The following DPH6 variants were observed in gnomAD, a reference collection of about 807,000 sequenced individuals.
The protein encoded by DPH6 is diphthamine biosynthesis 6, also known as diphthine--ammonia ligase.
DPH6 carries 33 observed loss-of-function variants against 38.2 expected under a neutral mutation model. That is an observed-to-expected ratio of 0.86 (90% CI 0.65 to 1.15). The LOEUF (loss-of-function observed/expected upper bound fraction) is 1.15. DPH6 is among the 50% of genes most tolerant of loss of function. The probability of loss-of-function intolerance (pLI) is 0.00; values close to 1 mark genes in which losing one functional copy is unlikely to be tolerated. For missense variants in DPH6, 325 were observed against 320.0 expected (o/e 1.02, Z -0.12); for synonymous variants, 108 against 103.0 (o/e 1.05, Z -0.30).
intron 3 of DPH6, among the ~76,000 whole-genome samples, chr15:35,501,195 A>C (rs1222830343): frequency 6.6e-6 from 1 of 152,190 alleles, no homozygotes; most frequent in African/African-American, 2.4e-5. Flanking sequence ...TCATAATGAC[A>C]ATCAGTAATA....
At chr15:35,356,104 T>C (rs569540395) in intron 3 of DPH6, among the ~76,000 whole-genome samples, 3 of 152,358 alleles carry the variant, frequency 2.0e-5, no homozygotes, top group South Asian at 2.1e-4. Flanking sequence ...ATTCGTCACA[T>C]AGTTCTCGTG....
In DPH6 at chr15:35,312,712, G is replaced by T. The variant is rs1298564979; in HGVS notation, n.200+60809C>A. On this transcript the variant is annotated intron_variant and non_coding_transcript_variant, in intron 3 of 3. Transcript: ENST00000560386. ...TGAAATTATTTGCTAAAATTAAAAA[G>T]AACTCTATTTCCTTCTTTTGCATAT... Among the ~76,000 whole-genome samples the T allele has an allele frequency of 3.3e-5, 5 of 152,250 alleles. No homozygotes were observed. In the East Asian group the frequency reaches 5.8e-4, roughly 18 times the overall value.
intron 3 of DPH6, among the ~76,000 whole-genome samples, chr15:35,513,061 T>C (rs1012303784): frequency 1.2e-4 from 18 of 152,076 alleles, no homozygotes; most frequent in African/African-American, 4.3e-4. Flanking sequence ...TTTCACGGCA[T>C]AGAAAAATGT....
intron 3 of DPH6, chr15:35,489,346 T>A: frequency 1.0e-6 from 1 of 985,322 alleles, no homozygotes. Flanking sequence ...TTGAAAGTGC[T>A]CCAATCCCTG....
At chr15:35,357,701 G>T (rs920367184) in intron 3 of DPH6, among the ~76,000 whole-genome samples, 2 of 152,316 alleles carry the variant, frequency 1.3e-5, no homozygotes, top group Admixed American at 1.3e-4. Flanking sequence ...GGAGACCGAA[G>T]ATATGGCCCC....
At chr15:35,337,597 C>T (rs542106270) in intron 3 of DPH6, among the ~76,000 whole-genome samples, 56 of 152,242 alleles carry the variant, frequency 3.7e-4, no homozygotes, top group South Asian at 2.5e-3. Context: ...ATGAAAATGG[C>T]TATACTGCCC....
At chr15:35,506,447 A>G (rs1007895878) in intron 3 of DPH6, among the ~76,000 whole-genome samples, 1 of 152,172 alleles carries the variant, frequency 6.6e-6, no homozygotes, top group African/African-American at 2.4e-5. Context: ...AGGGAAACAA[A>G]GAAGAGTCTG....
At chr15:35,396,161 T>G (rs890688979) in intron 6 of DPH6, 4 of 151,856 alleles carry the variant, frequency 2.6e-5, no homozygotes, top group Admixed American at 2.6e-4. Flanking sequence ...ATTGTTTACA[T>G]AATTGAATCC....
chr15:35,372,132 A>G lies in DPH6; in HGVS notation c.*18T>C. The G allele has an allele frequency of 6.6e-7, 1 of 1,519,462 alleles. No homozygotes were observed. The highest frequency in any genetic ancestry group is 8.8e-7 in the Non-Finnish European group (1 of 1,135,352). 94.1% of individuals were successfully genotyped at this position (1,519,462 alleles called of 1,614,324 possible). On this transcript the variant is annotated 3_prime_UTR_variant, in exon 9 of 9. Coordinates refer to ENST00000256538, the MANE Select transcript of DPH6 (RefSeq NM_080650.4). ...GTATAGAAATGGTGGTTTAATGAAC[A>G]ATGTTCCAAAACACTTTTCAAAAAT...
chr15:35,204,487 T>C, the DPH6 span, among the ~76,000 whole-genome samples: 22 of 151,830 alleles, frequency 1.4e-4, no homozygotes, highest in Admixed American at 1.2e-3. Flanking sequence ...TTAGTTTGTC[T>C]AAAAAAATGT....
At chr15:35,402,681 C>G (rs2053236099) in intron 6 of DPH6, among the ~76,000 whole-genome samples, 1 of 151,982 alleles carries the variant, frequency 6.6e-6, no homozygotes, top group Non-Finnish European at 1.5e-5. Flanking sequence ...AAAAATTCTA[C>G]AGAAGTTTAA....
chr15:35,308,287 T>G (rs1414327786), intron 3 of DPH6, among the ~76,000 whole-genome samples: 6 of 152,108 alleles, frequency 3.9e-5, no homozygotes, highest in Non-Finnish European at 7.4e-5. Context: ...GCTTCTATGA[T>G]TTACCACAAA....
At chr15:35,252,825 T>C (rs72707099) in intron 3 of DPH6, among the ~76,000 whole-genome samples, 4,319 of 152,330 alleles carry the variant, frequency 0.028, 172 homozygotes, top group African/African-American at 0.093. Context: ...TTTTTACTGG[T>C]ATTAAGTATA....
chr15:35,421,473 A>G (rs1403908391), intron 5 of DPH6, among the ~76,000 whole-genome samples: 1 of 152,212 alleles, frequency 6.6e-6, no homozygotes, highest in African/African-American at 2.4e-5. Flanking sequence ...GTGATAGCTC[A>G]AATACCCCTT....
At chr15:35,461,627 G>C (rs1372811380) in intron 3 of DPH6, among the ~76,000 whole-genome samples, 1 of 151,440 alleles carries the variant, frequency 6.6e-6, no homozygotes, top group Non-Finnish European at 1.5e-5. Context: ...TCTTCTTTTG[G>C]AAGTATACAT....
intron 5 of DPH6, among the ~76,000 whole-genome samples, chr15:35,450,154 T>C (rs1595375763): frequency 6.6e-6 from 1 of 152,218 alleles, no homozygotes; most frequent in Non-Finnish European, 1.5e-5. Flanking sequence ...ACTAATCAGA[T>C]AACTTTTTCT....
At chr15:35,224,138 G>A (rs1433570552) in intron 3 of DPH6, among the ~76,000 whole-genome samples, 1 of 98,330 alleles carries the variant, frequency 1.0e-5, no homozygotes, top group Non-Finnish European at 1.9e-5. Flanking sequence ...ACCAAGTGTT[G>A]CTCTGTCACC....
intron 3 of DPH6, among the ~76,000 whole-genome samples, chr15:35,236,602 G>C (rs984486278): frequency 2.0e-5 from 3 of 150,424 alleles, no homozygotes; most frequent in Admixed American, 6.6e-5. Flanking sequence ...TCGCGCCACT[G>C]CACTCCAGCC....
the DPH6 span, among the ~76,000 whole-genome samples, chr15:35,171,894 G>A: frequency 6.6e-6 from 1 of 151,846 alleles, no homozygotes; most frequent in Non-Finnish European, 1.5e-5. Flanking sequence ...TCGAGAGGGA[G>A]TTTCACTCTG....
Sources: allele counts gnomAD v4.1 joint callset (sites outside exome capture counted in the v4.1 genomes callset), GRCh38; gene constraint gnomAD v4.1.1; transcripts MANE v1.5; gene names NCBI Gene and HGNC (gene_info 2026-07-23, HGNC 2026-07-21).